Variants in DCX observed in about 807,000 individuals in gnomAD.
The protein encoded by DCX is neuronal migration protein doublecortin.
A neutral mutation model predicts 20.9 loss-of-function variants in DCX; 4 were observed. That is an observed-to-expected ratio of 0.19 (90% CI 0.09 to 0.44). The LOEUF is 0.44. DCX is among the 20% of genes least tolerant of loss of function. DCX has a pLI of 0.99. For missense variants in DCX, 133 were observed against 296.9 expected (o/e 0.45, Z 4.06); for synonymous variants, 103 against 111.4 (o/e 0.92, Z 0.47).
At chrX:111,407,276 C>T (rs762111270) in intron 2 of DCX, among the ~76,000 whole-genome samples, 19 of 111,980 alleles carry the variant, frequency 1.7e-4, no homozygotes, top group South Asian at 1.1e-3. Flanking sequence ...AGTCCAAAGA[C>T]TTCTGTTTTC....
chrX:111,410,842 T>C, intron 1 of DCX: 1 of 1,211,126 alleles, frequency 8.3e-7, no homozygotes, highest in Non-Finnish European at 1.1e-6. Context: ...TGACTAACAG[T>C]TGTAAATGAA....
chrX:111,372,862 G>A (rs1328461828), intron 3 of DCX, among the ~76,000 whole-genome samples: 2 of 111,608 alleles, frequency 1.8e-5, no homozygotes, highest in Non-Finnish European at 1.9e-5. Flanking sequence ...GAGACAAGGT[G>A]CTGAGACTTC....
Position 111,295,724 on chromosome X carries a change from C to T in DCX, c.*5963G>A, listed in dbSNP as rs974688429. 1.8e-5 allele frequency: 2 copies of T among 112,253 alleles called. No individual in the cohort carries two copies. Among genetic ancestry groups the T allele is most frequent in the Non-Finnish European group, 3.8e-5 (2 of 53,226 alleles). 9.3% of individuals were successfully genotyped at this position (112,253 alleles called of 1,213,427 possible). On this transcript the variant is annotated 3_prime_UTR_variant, in exon 7 of 7. Transcript: ENST00000636035. Reference sequence around the variant, plus strand: ...CTTCAGCTGATTATGTCTCTGAGCACGCTTCACTGCTCCACAAAATGTCAG... The same window carrying T: ...CTTCAGCTGATTATGTCTCTGAGCATGCTTCACTGCTCCACAAAATGTCAG...
chrX:111,332,027 C>T (rs1160187768), intron 4 of DCX, among the ~76,000 whole-genome samples: 1 of 112,571 alleles, frequency 8.9e-6, no homozygotes, highest in Non-Finnish European at 1.9e-5. Context: ...TCTCTCCTTT[C>T]CTTTAAACAC....
intron 6 of DCX, among the ~76,000 whole-genome samples, chrX:111,312,112 G>T (rs1306764781): frequency 3.5e-5 from 4 of 112,864 alleles, no homozygotes. Context: ...CCAATGCAAT[G>T]TGTATATGTG....
intron 3 of DCX, among the ~76,000 whole-genome samples, chrX:111,370,256 T>A (rs1203505781): frequency 9.0e-6 from 1 of 111,087 alleles, no homozygotes; most frequent in Non-Finnish European, 1.9e-5. Flanking sequence ...AATCTTAGAG[T>A]CTTGAGAGGA....
intron 3 of DCX, among the ~76,000 whole-genome samples, chrX:111,391,867 T>C (rs1926977180): frequency 9.0e-6 from 1 of 111,674 alleles, no homozygotes; most frequent in African/African-American, 3.3e-5. Context: ...ATAAAAGTAT[T>C]CTAAATCTAG....
At chrX:111,399,502 T>G (rs917842803) in intron 3 of DCX, among the ~76,000 whole-genome samples, 4 of 112,310 alleles carry the variant, frequency 3.6e-5, no homozygotes, top group Non-Finnish European at 7.5e-5. Flanking sequence ...ATAAAGAAAC[T>G]CTAAAAATCA....
intron 3 of DCX, among the ~76,000 whole-genome samples, chrX:111,355,102 T>C (rs1053318779): frequency 1.8e-4 from 20 of 112,790 alleles, no homozygotes; most frequent in South Asian, 3.7e-4. Flanking sequence ...AGAAAGAGTT[T>C]GGATGAATTT....
chrX:111,310,802 A>G (rs1253410388), intron 6 of DCX, among the ~76,000 whole-genome samples: 1 of 112,531 alleles, frequency 8.9e-6, no homozygotes, highest in African/African-American at 3.2e-5. Flanking sequence ...GAATTGAGTC[A>G]ATAAACAAAC....
At chrX:111,337,661 C>T (rs986288512) in intron 3 of DCX, among the ~76,000 whole-genome samples, 1 of 112,340 alleles carries the variant, frequency 8.9e-6, no homozygotes, top group Non-Finnish European at 1.9e-5. Context: ...GTAGATTCTA[C>T]ATTTCACTTA....
intron 3 of DCX, among the ~76,000 whole-genome samples, chrX:111,335,642 G>A (rs1250441811): frequency 8.9e-6 from 1 of 112,438 alleles, no homozygotes; most frequent in Non-Finnish European, 1.9e-5. Context: ...CAAATGAAAT[G>A]GATGATTTTT....
chrX:111,310,946 G>C (rs2095056527), intron 6 of DCX, among the ~76,000 whole-genome samples: 1 of 112,294 alleles, frequency 8.9e-6, no homozygotes, highest in Admixed American at 9.4e-5. Context: ...TGAATAACTT[G>C]AGTGTGCAGA....
chrX:111,396,181 C>A (rs1426201142), intron 3 of DCX, among the ~76,000 whole-genome samples: 1 of 112,177 alleles, frequency 8.9e-6, no homozygotes, highest in Admixed American at 9.5e-5. Context: ...TTCCTTAAAA[C>A]CCCTGTACTA....
chrX:111,373,787 T>G (rs1176602419), intron 3 of DCX, among the ~76,000 whole-genome samples: 1 of 111,891 alleles, frequency 8.9e-6, no homozygotes, highest in Non-Finnish European at 1.9e-5. Flanking sequence ...TATCTTATTA[T>G]CACAAGAACC....
intron 3 of DCX, among the ~76,000 whole-genome samples, chrX:111,339,726 T>C (rs1453454851): frequency 1.8e-5 from 2 of 111,982 alleles, no homozygotes. Context: ...CTGTTCAATA[T>C]CTCCACTTGC....
chrX:111,394,493 G>A (rs969506309), intron 3 of DCX, among the ~76,000 whole-genome samples: 4 of 112,036 alleles, frequency 3.6e-5, no homozygotes, highest in African/African-American at 1.3e-4. Context: ...ATATAATGTG[G>A]GGATTATATT....
chrX:111,342,339 T>TTA (rs60045433), intron 3 of DCX, among the ~76,000 whole-genome samples: 661 of 20,647 alleles, frequency 0.032, 50 homozygotes, highest in Non-Finnish European at 0.055. Flanking sequence ...GAGCTAACTA[T>TTA]TATATATATA....
At chrX:111,406,981 T>C (rs948864189) in intron 2 of DCX, among the ~76,000 whole-genome samples, 15 of 112,253 alleles carry the variant, frequency 1.3e-4, no homozygotes, top group African/African-American at 4.2e-4. Context: ...TAAAGAGTTA[T>C]TTTAAAAATA....
Sources: gnomAD v4.1 joint callset for allele counts (sites outside exome capture counted in the v4.1 genomes callset) on GRCh38, gnomAD v4.1.1 for gene constraint, MANE v1.5 for transcripts, NCBI Gene and HGNC (gene_info 2026-07-23, HGNC 2026-07-21) for gene names.